The following INTS14 variants were observed in gnomAD, a reference collection of about 807,000 sequenced individuals.
INTS14 encodes integrator complex subunit 14, also known as UPF0464 protein C15orf44.
In INTS14, 27 loss-of-function variants were observed where a neutral mutation model predicts 56.9. That is an observed-to-expected ratio of 0.47 (90% CI 0.35 to 0.65). The LOEUF is 0.65. Among genes scored for constraint, INTS14 ranks in the 30% least tolerant of loss-of-function variants. The probability of loss-of-function intolerance (pLI) is 0.00; values close to 1 mark genes in which losing one functional copy is unlikely to be tolerated. For missense variants in INTS14, 517 were observed against 632.2 expected, an observed-to-expected ratio of 0.82 and a Z score of 1.95; for synonymous variants, 207 against 236.2, an observed-to-expected ratio of 0.88 and a Z score of 1.13.
chr15:65,609,817 G>A (rs551180267), intron 1 of INTS14, among the ~76,000 whole-genome samples: 1 of 152,124 alleles, frequency 6.6e-6, no homozygotes, highest in Non-Finnish European at 1.5e-5. Context: ...AGTTTACACA[G>A]ACTTAGATCA....
rs918570494 is a variant in INTS14 at position 65,607,198 on chromosome 15, C to T, written c.183G>A (p.Glu61=). ...TALVVFSSLW[E]LMVPFTRDYN... ...AATCTCTCGTGAAGGGGACCATCAA[C>T]TCCCAAAGTGATGAAAAAACCACAA... is the stretch of plus-strand genomic sequence containing the variant. The change falls in exon 2 of 12, where the codon GAG becomes GAA. Residue 61 remains glutamate (E), a synonymous_variant. Coordinates refer to ENST00000313182, the MANE Select transcript of INTS14 (RefSeq NM_001394796.1). 6.2e-6 allele frequency: 10 copies of T among 1,614,092 alleles called. No individual in the cohort carries two copies. The African/African-American group carries it at 8.0e-5, about 13-fold the overall frequency.
chr15:65,605,481 T>G (rs984430978), intron 2 of INTS14, among the ~76,000 whole-genome samples: 1 of 152,238 alleles, frequency 6.6e-6, no homozygotes. Flanking sequence ...AAGTTTACAT[T>G]TTTGTTAAGT....
In INTS14 at chr15:65,589,858, T is replaced by A. The variant is rs148950632; in HGVS notation, c.1120+1740A>T. ...GATAGGCTTACAACCTAAAATTTTA[T>A]CTCCAACTCTGCCCTCTCTCCTAAA... On this transcript the variant is annotated intron_variant, in intron 9 of 11. Coordinates refer to ENST00000313182, the MANE Select transcript of INTS14 (RefSeq NM_001394796.1). Among the ~76,000 whole-genome samples the A allele has an allele frequency of 5.9e-3, 894 of 152,290 alleles. 8 individuals are homozygous for A. Among genetic ancestry groups the A allele is most frequent in the African/African-American group, 0.019 (798 of 41,562 alleles).
Position 65,607,048 on chromosome 15 carries a change from CAT to C in INTS14, c.222+109_222+110del, listed in dbSNP as rs1169850519. The C allele has an allele frequency of 3.0e-6, 4 of 1,326,712 alleles. No homozygotes were observed. In the African/African-American group the frequency reaches 5.9e-5, roughly 20 times the overall value. 82.2% of individuals were successfully genotyped at this position (1,326,712 alleles called of 1,614,324 possible). ...TGTTTAGTTACACATATTAAGTACT[CAT>C]AGACTTATTAAATAATGCCAAAGTT... On this transcript the variant is annotated intron_variant, in intron 2 of 11. Transcript: ENST00000313182.
At chr15:65,592,776 A>G (rs1391140475) in intron 8 of INTS14, among the ~76,000 whole-genome samples, 1 of 152,152 alleles carries the variant, frequency 6.6e-6, no homozygotes, top group African/African-American at 2.4e-5. Flanking sequence ...CTCATTTTAT[A>G]GATGAGAAGT....
intron 3 of INTS14, among the ~76,000 whole-genome samples, chr15:65,603,823 C>T (rs1596265216): frequency 6.6e-6 from 1 of 152,186 alleles, no homozygotes; most frequent in South Asian, 2.1e-4. Context: ...TCTATGGCTG[C>T]TTTCATGCTA....
intron 6 of INTS14, among the ~76,000 whole-genome samples, chr15:65,597,020 A>G (rs2073239344): frequency 6.6e-6 from 1 of 152,244 alleles, no homozygotes; most frequent in Admixed American, 6.5e-5. Context: ...TGCAAGAAAG[A>G]TCTTCCACTA....
chr15:65,596,242 A>AGAGAAAGATG (rs2073207414), intron 6 of INTS14, among the ~76,000 whole-genome samples: 1 of 152,232 alleles, frequency 6.6e-6, no homozygotes, highest in Non-Finnish European at 1.5e-5. Flanking sequence ...AAAGAACTGT[A>AGAGAAAGATG]TTCTCTACAA....
intron 2 of INTS14, 113 bp from the exon 3 acceptor site, chr15:65,605,349 G>C (rs1249537205): frequency 6.7e-6 from 5 of 742,278 alleles, no homozygotes; most frequent in East Asian, 5.3e-5. Flanking sequence ...TGATGTATCT[G>C]AGAGCACCAA....
intron 4 of INTS14, 100 bp downstream of exon 4, chr15:65,599,674 G>A (rs987671590): frequency 3.2e-6 from 4 of 1,268,356 alleles, no homozygotes; most frequent in Admixed American, 4.8e-5. Context: ...GGAGTTCAAT[G>A]CTACAGTATA....
At chr15:65,609,805 A>G (rs948737830) in intron 1 of INTS14, among the ~76,000 whole-genome samples, 2 of 152,080 alleles carry the variant, frequency 1.3e-5, no homozygotes, top group African/African-American at 4.8e-5. Flanking sequence ...ATGGGAGGAA[A>G]CAGTTTACAC....
chr15:65,587,416 A>G (rs2072865470), intron 9 of INTS14, among the ~76,000 whole-genome samples: 1 of 149,038 alleles, frequency 6.7e-6, no homozygotes. Flanking sequence ...TTAGTTATAT[A>G]GAAAACAAGC....
chr15:65,591,619 C>A lies in INTS14; in HGVS notation c.1099G>T (p.Ala367Ser). The A allele has an allele frequency of 1.9e-6, 3 of 1,613,962 alleles. No homozygotes were observed. The highest frequency in any genetic ancestry group is 2.5e-6 in the Non-Finnish European group (3 of 1,179,964). ...PEPLPWLGKM[A>S]QLGPISDAKE... ...ATACCTGAAATAGGACCCAACTGTG[C>A]CATTTTCCCTAGCCATGGGAGAGGT... is the stretch of plus-strand genomic sequence containing the variant. Residue 367 changes from alanine to serine, a missense_variant, in exon 9 of 12, where the codon GCA becomes TCA. Ala to Ser is a moderately conservative substitution (Grantham distance 99, BLOSUM62 1). Coordinates refer to ENST00000313182, the MANE Select transcript of INTS14 (RefSeq NM_001394796.1).
At chr15:65,591,485 C>G (rs2073026911) in intron 9 of INTS14, 113 bp downstream of exon 9, 1 of 1,389,284 alleles carries the variant, frequency 7.2e-7, no homozygotes, top group East Asian at 2.3e-5. Flanking sequence ...CATCCGAGAC[C>G]ATGGCATACC....
At chr15:65,603,456 T>C (rs2073516923) in intron 3 of INTS14, among the ~76,000 whole-genome samples, 1 of 152,118 alleles carries the variant, frequency 6.6e-6, no homozygotes, top group Admixed American at 6.5e-5. Flanking sequence ...AATTCATACC[T>C]TTCCCTGACT....
chr15:65,580,128 C>G (rs1291964392), intron 11 of INTS14, among the ~76,000 whole-genome samples: 1 of 151,944 alleles, frequency 6.6e-6, no homozygotes, highest in Non-Finnish European at 1.5e-5. Context: ...GTGGAAAGAC[C>G]AACAAAAAGA....
intron 2 of INTS14, among the ~76,000 whole-genome samples, chr15:65,606,168 T>C (rs1033171082): frequency 2.1e-5 from 3 of 145,864 alleles, no homozygotes; most frequent in African/African-American, 7.7e-5. Flanking sequence ...GGCAGGAGAA[T>C]GGCGTGAACC....
At chr15:65,589,010 A>G (rs1235156651) in intron 9 of INTS14, among the ~76,000 whole-genome samples, 2 of 152,236 alleles carry the variant, frequency 1.3e-5, no homozygotes, top group Non-Finnish European at 2.9e-5. Context: ...ACATGAACAC[A>G]GGGCAGAGTG....
At chr15:65,581,149 G>A (rs548327706) in intron 11 of INTS14, among the ~76,000 whole-genome samples, 1 of 152,222 alleles carries the variant, frequency 6.6e-6, no homozygotes, top group South Asian at 2.1e-4. Context: ...GGAGGCCGAG[G>A]CGAGCGGATT....
Sources: allele counts gnomAD v4.1 joint callset (sites outside exome capture counted in the v4.1 genomes callset), GRCh38; gene constraint gnomAD v4.1.1; transcripts MANE v1.5; gene names NCBI Gene and HGNC (gene_info 2026-07-23, HGNC 2026-07-21).